CHST3: variants seen among roughly 807,000 people sequenced by gnomAD.
The protein encoded by CHST3 is carbohydrate sulfotransferase 3.
Under a neutral mutation model 35.4 loss-of-function variants are expected in CHST3, and 20 were observed. The ratio of observed to expected loss-of-function variants is 0.57; its 90% confidence interval spans 0.40 to 0.82. The LOEUF is 0.82. Ranked by LOEUF, CHST3 falls within the 40% of genes least tolerant of loss-of-function variation. CHST3 has a pLI of 0.00. For synonymous variants in CHST3, 334 were observed against 295.9 expected, an observed-to-expected ratio of 1.13 and a Z score of -1.32; for missense variants, 693 against 670.1, an observed-to-expected ratio of 1.03 and a Z score of -0.38.
rs531483265 is a variant in CHST3 at position 72,000,117 on chromosome 10, T to C, written c.-107-5619T>C. On this transcript the variant is annotated intron_variant, in intron 1 of 2. Coordinates refer to ENST00000373115, the MANE Select transcript of CHST3 (RefSeq NM_004273.5). ...CCCACACGCTCATGCTCACAGCCAC[T>C]CATGTATGGAGCAATTGCCTTTTTT... 5.3e-5 allele frequency among the ~76,000 whole-genome samples: 8 copies of C among 150,712 alleles called. No homozygotes were observed. In the East Asian group the frequency reaches 1.6e-3, roughly 30 times the overall value.
chr10:71,964,459 G>T lies in CHST3; in HGVS notation c.-343G>T, dbSNP rs1839608484. On this transcript the variant is annotated 5_prime_UTR_variant, in exon 1 of 3. It adds an upstream start codon to the 5' untranslated region. Transcript: ENST00000373115. ...GGACCTCTCGCAGGCTCGCTGCGCAGGACGGCGCCCGCCTGGCGCCGCTTC... is the reference window on the plus strand; with the variant it reads ...GGACCTCTCGCAGGCTCGCTGCGCATGACGGCGCCCGCCTGGCGCCGCTTC... The T allele has an allele frequency of 6.6e-6, 1 of 152,200 alleles. No individual in the cohort carries two copies. The highest frequency in any genetic ancestry group is 6.5e-5 in the Admixed American group (1 of 15,278). The allele number at this position is 152,200 out of a possible 1,614,324, so 9.4% of individuals were successfully genotyped here. A position where few individuals can be genotyped will look rare whatever the true frequency, so the allele number is the denominator to read the frequency against.
intron 1 of CHST3, among the ~76,000 whole-genome samples, chr10:71,994,087 G>A (rs57188175): frequency 2.0e-4 from 31 of 151,552 alleles, no homozygotes; most frequent in African/African-American, 6.3e-4. Flanking sequence ...GTGACAAAGC[G>A]AGACTCCATT....
At chr10:71,971,332 A>G (rs971340658) in intron 1 of CHST3, among the ~76,000 whole-genome samples, 2 of 152,170 alleles carry the variant, frequency 1.3e-5, no homozygotes, top group African/African-American at 4.8e-5. Context: ...GCACGTCCAC[A>G]TGTTCGTATT....
In CHST3 at chr10:71,977,388, G is replaced by GATCTGACCA. The variant is rs756085373; in HGVS notation, c.-108+12696_-108+12704dup. Among the ~76,000 whole-genome samples the GATCTGACCA allele has an allele frequency of 3.9e-5, 6 of 152,042 alleles. No homozygotes were observed. In the South Asian group the frequency reaches 1.0e-3, roughly 26 times the overall value. ...TGTGGGGTCAGGGCATGGCAAGGGTGATCTGACCAAACTATGCTGCCTCTT... is the reference window on the plus strand; with the variant it reads ...TGTGGGGTCAGGGCATGGCAAGGGTGATCTGACCAATCTGACCAAACTATGCTGCCTCTT... On this transcript the variant is annotated intron_variant, in intron 1 of 2. Transcript: ENST00000373115.
chr10:72,004,966 C>A (rs1840024398), intron 1 of CHST3, among the ~76,000 whole-genome samples: 1 of 152,102 alleles, frequency 6.6e-6, no homozygotes, highest in Non-Finnish European at 1.5e-5. Context: ...CCCATCTCTA[C>A]AAAAAATTTT....
chr10:71,970,097 C>T (rs117381701), intron 1 of CHST3, among the ~76,000 whole-genome samples: 2,790 of 152,322 alleles, frequency 0.018, 31 homozygotes, highest in Non-Finnish European at 0.028. Flanking sequence ...CTGTGCTTGC[C>T]GGTGGACACG....
At chr10:71,991,395 C>T (rs770033603) in intron 1 of CHST3, among the ~76,000 whole-genome samples, 4 of 152,302 alleles carry the variant, frequency 2.6e-5, no homozygotes, top group Middle Eastern at 3.4e-3. Context: ...AGTTGCCCTC[C>T]GCCTTTTTCT....
At chr10:71,979,906 T>C (rs965706914) in intron 1 of CHST3, among the ~76,000 whole-genome samples, 1 of 152,152 alleles carries the variant, frequency 6.6e-6, no homozygotes, top group Non-Finnish European at 1.5e-5. Flanking sequence ...GCATGGGGGC[T>C]GGAGGGCCAG....
In CHST3 at chr10:71,965,508, G is replaced by A. The variant is rs567435269; in HGVS notation, c.-108+814G>A. Reference sequence around the variant, plus strand: ...GATTCCAGTCCTGGGTGTGGACGGGGTAAGGGGAGGTGGGGGGATTTAAGC... The same window carrying A: ...GATTCCAGTCCTGGGTGTGGACGGGATAAGGGGAGGTGGGGGGATTTAAGC... On this transcript the variant is annotated intron_variant, in intron 1 of 2. Transcript: ENST00000373115. Among the ~76,000 whole-genome samples the A allele has an allele frequency of 2.0e-5, 3 of 152,272 alleles. No individual in the cohort carries two copies. In the South Asian group the frequency reaches 6.2e-4, roughly 32 times the overall value.
At position 72,010,992 on chromosome 10, in the gene CHST3, C is replaced by T. The variant is rs1475780104; in HGVS notation, c.*2521C>T. On this transcript the variant is annotated 3_prime_UTR_variant, in exon 3 of 3. Transcript: ENST00000373115. Reference sequence around the variant, plus strand: ...CCTTTGGGACTTCTCAGGACATTGACAATGTGCACACTGCAGGTTGACTTA... The same window carrying T: ...CCTTTGGGACTTCTCAGGACATTGATAATGTGCACACTGCAGGTTGACTTA... 1 of 152,238 alleles carries T rather than the reference C, an allele frequency of 6.6e-6. No homozygotes were observed. The highest frequency in any genetic ancestry group is 1.5e-5 in the Non-Finnish European group (1 of 68,056). 9.4% of individuals were successfully genotyped at this position (152,238 alleles called of 1,614,324 possible).
chr10:71,984,451 G>A lies in CHST3; in HGVS notation c.-108+19757G>A, dbSNP rs117903611. ...CTGTGTTCAAGACACCAAGAACCTG[G>A]ACACCCTCCACCTTTAACACAAAGC... On this transcript the variant is annotated intron_variant, in intron 1 of 2. Transcript: ENST00000373115. Among the ~76,000 whole-genome samples, 273 of 152,280 alleles carry A rather than the reference G, an allele frequency of 1.8e-3. 3 individuals carry two copies. The East Asian group carries it at 0.044, about 25-fold the overall frequency.
At position 72,007,297 on chromosome 10, in the gene CHST3, A is replaced by G. The variant is rs1219222545; in HGVS notation, c.266A>G (p.Gln89Arg). 6.2e-7 allele frequency: 1 copy of G among 1,613,726 alleles called. No homozygotes were observed. The change falls in exon 3 of 3, where the codon CAG becomes CGG. Residue 89 changes from glutamine to arginine, a missense_variant. By Grantham distance (43) the Gln-to-Arg change is conservative. Transcript: ENST00000373115. The part of the protein sequence containing the change: ...SLSELDSAFS[Q>R]LQSRLRNLSL... Reference sequence around the variant, plus strand: ...AGCGAGCTCGATTCAGCCTTCTCCCAGCTTCAGAGCCGTCTCCGCAACCTC... The same window carrying G: ...AGCGAGCTCGATTCAGCCTTCTCCCGGCTTCAGAGCCGTCTCCGCAACCTC...
chr10:72,003,812 G>A (rs546464054), intron 1 of CHST3, among the ~76,000 whole-genome samples: 2 of 152,194 alleles, frequency 1.3e-5, no homozygotes, highest in South Asian at 4.1e-4. Context: ...CAGCTACTCC[G>A]GAGGCTGAGG....
At position 72,007,859 on chromosome 10, in the gene CHST3, C is replaced by T. The variant is rs140547825; in HGVS notation, c.828C>T (p.Arg276=). The T allele has an allele frequency of 6.9e-4, 1,106 of 1,601,756 alleles. 10 individuals carry two copies. In the African/African-American group the frequency reaches 0.013, roughly 19 times the overall value. The part of the protein sequence containing the change: ...RKEHMALKAV[R]IRQLEFLQPL... ...AGCACATGGCCCTCAAGGCGGTGCG[C>T]ATCCGGCAGCTGGAGTTCCTGCAGC... The change falls in exon 3 of 3, where the codon CGC becomes CGT. Residue 276 remains arginine, a synonymous_variant. Transcript: ENST00000373115.
Position 72,008,140 on chromosome 10 carries a change from G to T in CHST3, c.1109G>T (p.Arg370Leu), listed in dbSNP as rs1355385307. ...CTGCGGGGCCGCTACATGCTGGTGCGCTACGAGGACGTGGCACGCGGGCCG... is the reference window on the plus strand; with the variant it reads ...CTGCGGGGCCGCTACATGCTGGTGCTCTACGAGGACGTGGCACGCGGGCCG... ...AWLRGRYMLVRYEDVARGPLQ... is the reference protein window; with the variant it reads ...AWLRGRYMLVLYEDVARGPLQ... The change falls in exon 3 of 3, where the codon CGC (arginine) becomes CTC (leucine). Residue 370 changes from arginine (R) to leucine (L), a missense_variant. Coordinates refer to ENST00000373115, the MANE Select transcript of CHST3 (RefSeq NM_004273.5). The T allele has an allele frequency of 6.5e-7, 1 of 1,548,354 alleles. No individual in the cohort carries two copies. The highest frequency in any genetic ancestry group is 8.7e-7 in the Non-Finnish European group (1 of 1,146,402).
intron 1 of CHST3, among the ~76,000 whole-genome samples, chr10:71,981,084 C>A (rs556278669): frequency 6.6e-6 from 1 of 152,342 alleles, no homozygotes; most frequent in East Asian, 1.9e-4. Flanking sequence ...TTTCAACTTT[C>A]TGTTTTTTCA....
intron 2 of CHST3, 38 bp downstream of exon 2, chr10:72,006,020 A>AAT: frequency 1.7e-6 from 2 of 1,184,392 alleles, no homozygotes; most frequent in Non-Finnish European, 2.4e-6. Context: ...CTTCCTTTCA[A>AAT]GGTGGGGTGG....
chr10:72,001,481 T>G (rs1368904118), intron 1 of CHST3, among the ~76,000 whole-genome samples: 1 of 98,638 alleles, frequency 1.0e-5, no homozygotes, highest in African/African-American at 6.0e-5. Context: ...TTTGGGTTGT[T>G]TTTTTTTTTG....
intron 1 of CHST3, among the ~76,000 whole-genome samples, chr10:71,978,365 T>TAA (rs59485657): frequency 6.0e-5 from 8 of 133,286 alleles, no homozygotes; most frequent in East Asian, 4.3e-4. Flanking sequence ...GCCTCCGTCT[T>TAA]AAAAAAAAAA....
Sources: allele counts gnomAD v4.1 joint callset (sites outside exome capture counted in the v4.1 genomes callset), GRCh38; gene constraint gnomAD v4.1.1; transcripts MANE v1.5; gene names NCBI Gene and HGNC (gene_info 2026-07-23, HGNC 2026-07-21).